RASSF8: variants seen among roughly 807,000 people sequenced by gnomAD.
RASSF8 encodes the protein ras association domain-containing protein 8.
RASSF8 carries 22 observed loss-of-function variants against 48.5 expected under a neutral mutation model. The ratio of observed to expected loss-of-function variants is 0.45; its 90% CI spans 0.32 to 0.65. RASSF8 has a LOEUF of 0.65. RASSF8 is among the 30% of genes least tolerant of loss of function. RASSF8 has a pLI of 0.03. For missense variants in RASSF8, 418 were observed against 489.2 expected, an observed-to-expected ratio of 0.85 and a Z score of 1.37; for synonymous variants, 127 against 171.5, an observed-to-expected ratio of 0.74 and a Z score of 2.03.
intron 2 of RASSF8, among the ~76,000 whole-genome samples, chr12:25,997,252 T>G (rs574560941): frequency 3.3e-5 from 5 of 152,320 alleles, no homozygotes; most frequent in African/African-American, 1.2e-4. Context: ...TAATCTTCCC[T>G]CATCCCCCCT....
chr12:26,036,304 TG>T (rs897359253), intron 2 of RASSF8, among the ~76,000 whole-genome samples: 114 of 152,200 alleles, frequency 7.5e-4, no homozygotes, highest in African/African-American at 2.7e-3. Flanking sequence ...TGTTTCGTTT[TG>T]TTTTGTTTCA....
At chr12:26,041,502 A>C (rs147814678) in intron 2 of RASSF8, among the ~76,000 whole-genome samples, 11 of 152,252 alleles carry the variant, frequency 7.2e-5, no homozygotes, top group African/African-American at 2.6e-4. Flanking sequence ...TAATTTAATG[A>C]GTATGTACTA....
intron 1 of RASSF8, among the ~76,000 whole-genome samples, chr12:25,961,584 G>A (rs1292874847): frequency 2.6e-5 from 4 of 152,132 alleles, no homozygotes; most frequent in Admixed American, 2.0e-4. Flanking sequence ...TCACTCCCGA[G>A]GTGAGTGAGC....
At chr12:26,009,150 G>A (rs766995005) in intron 2 of RASSF8, among the ~76,000 whole-genome samples, 50 of 152,150 alleles carry the variant, frequency 3.3e-4, no homozygotes, top group Non-Finnish European at 7.1e-4. Context: ...CAAGCTCACC[G>A]ACGTGTTAGG....
chr12:25,962,444 A>T (rs1181574463), intron 1 of RASSF8, among the ~76,000 whole-genome samples: 1 of 152,176 alleles, frequency 6.6e-6, no homozygotes, highest in Non-Finnish European at 1.5e-5. Flanking sequence ...CAATTTATAT[A>T]TTATTTAATC....
At chr12:26,033,346 C>G (rs1056299850) in intron 2 of RASSF8, among the ~76,000 whole-genome samples, 8 of 152,088 alleles carry the variant, frequency 5.3e-5, no homozygotes, top group Non-Finnish European at 8.8e-5. Flanking sequence ...AACAGAAAAC[C>G]CACAAATTGT....
At chr12:26,005,466 G>A (rs1262639027) in intron 2 of RASSF8, among the ~76,000 whole-genome samples, 1 of 152,148 alleles carries the variant, frequency 6.6e-6, no homozygotes, top group Non-Finnish European at 1.5e-5. Context: ...GTTTTAATAC[G>A]TGAATATTGA....
intron 2 of RASSF8, among the ~76,000 whole-genome samples, chr12:26,019,453 T>C (rs1942733574): frequency 6.6e-6 from 1 of 152,118 alleles, no homozygotes; most frequent in Non-Finnish European, 1.5e-5. Flanking sequence ...ATTACAGCCA[T>C]TAAAATAACT....
chr12:25,958,358 G>A (rs756266962), upstream of RASSF8: 1 of 151,756 alleles, frequency 6.6e-6, no homozygotes, highest in Non-Finnish European at 1.5e-5. Flanking sequence ...TCGCGGGCCA[G>A]GCGACAGCGG....
rs73077125 is a variant in RASSF8, at chr12:25,979,748, G to A, written c.-202-15289G>A. Among the ~76,000 whole-genome samples, 1,014 of 152,336 alleles carry A rather than the reference G, an allele frequency of 6.7e-3. 10 individuals carry two copies. Among genetic ancestry groups the A allele is most frequent in the Non-Finnish European group, 0.01 (687 of 68,028 alleles). ...GTTTTAACTAACATTCCATGCTGAT[G>A]CTTCACTGTAGAGGAGAGAGGTTGA... On this transcript the variant is annotated intron_variant, in intron 1 of 5. Coordinates refer to ENST00000689635, the MANE Select transcript of RASSF8 (RefSeq NM_001394098.1).
intron 1 of RASSF8, among the ~76,000 whole-genome samples, chr12:25,977,932 G>A (rs1941647910): frequency 6.6e-6 from 1 of 152,202 alleles, no homozygotes; most frequent in Non-Finnish European, 1.5e-5. Flanking sequence ...CTGAAGAGTA[G>A]AAGTGGAAAA....
chr12:26,036,541 A>G (rs1245699306), intron 2 of RASSF8, among the ~76,000 whole-genome samples: 1 of 152,150 alleles, frequency 6.6e-6, no homozygotes, highest in Non-Finnish European at 1.5e-5. Context: ...ATTTTAAAAG[A>G]GCCAAGATGA....
rs576184245 is a variant in RASSF8, at chr12:26,033,028, C to T, written c.-108-22208C>T. ...TGCTGTGATCTTGTTTTCAAGCAGG[C>T]CTGTCTTCTTTAGAGTAGCAACTAA... On this transcript the variant is annotated intron_variant, in intron 2 of 5. Transcript: ENST00000689635. 5.3e-5 allele frequency among the ~76,000 whole-genome samples: 8 copies of T among 152,300 alleles called. No homozygotes were observed. The East Asian group carries it at 1.3e-3, about 26-fold the overall frequency.
At chr12:25,994,391 A>C (rs1328076126) in intron 1 of RASSF8, among the ~76,000 whole-genome samples, 1 of 152,172 alleles carries the variant, frequency 6.6e-6, no homozygotes, top group Non-Finnish European at 1.5e-5. Context: ...CAGACATATG[A>C]ATTGCGTCAA....
chr12:26,001,218 A>C (rs1202731527), intron 2 of RASSF8, among the ~76,000 whole-genome samples: 1 of 116,500 alleles, frequency 8.6e-6, no homozygotes, highest in African/African-American at 3.1e-5. Context: ...TTTTTTTTGT[A>C]GAAACAAGGT....
intron 2 of RASSF8, among the ~76,000 whole-genome samples, chr12:26,048,304 A>T (rs1376617814): frequency 1.3e-5 from 2 of 152,230 alleles, no homozygotes; most frequent in Non-Finnish European, 2.9e-5. Flanking sequence ...AGAAGCTGAC[A>T]GCTTCTTTAG....
chr12:26,065,411 A>G, intron 4 of RASSF8, 24 bp downstream of exon 4: 5 of 1,560,680 alleles, frequency 3.2e-6, no homozygotes, highest in Non-Finnish European at 3.5e-6. Context: ...GATAAATAGA[A>G]TGTTTGGCCC....
At chr12:26,005,431 TAATC>T (rs1286564722) in intron 2 of RASSF8, among the ~76,000 whole-genome samples, 5 of 152,212 alleles carry the variant, frequency 3.3e-5, no homozygotes, top group Non-Finnish European at 7.4e-5. Flanking sequence ...ACTGTCATCT[TAATC>T]AAGTCATTCT....
rs1473571286 is a variant in RASSF8, at chr12:26,026,743, TAAG to T, written c.-108-28492_-108-28490del. On this transcript the variant is annotated intron_variant, in intron 2 of 5. Transcript: ENST00000689635. ...AATATTAATTTTAAAAGGCAGCTAATAAGGAGTGTGAGTGAGATTGTGAAGAAT... is the reference window on the plus strand; with the variant it reads ...AATATTAATTTTAAAAGGCAGCTAATGAGTGTGAGTGAGATTGTGAAGAAT... Among the ~76,000 whole-genome samples, 6 of 152,126 alleles carry T rather than the reference TAAG, an allele frequency of 3.9e-5. No homozygotes were observed. In the East Asian group the frequency reaches 5.8e-4, roughly 15 times the overall value.
Sources: gnomAD v4.1 joint callset for allele counts (sites outside exome capture counted in the v4.1 genomes callset) on GRCh38, gnomAD v4.1.1 for gene constraint, MANE v1.5 for transcripts, NCBI Gene and HGNC (gene_info 2026-07-23, HGNC 2026-07-21) for gene names.